The following FARP1 variants were observed in gnomAD, a reference collection of about 807,000 sequenced individuals.
FARP1 encodes the protein FERM, ARH/RhoGEF and pleckstrin domain protein 1, also known as FERM, ARHGEF and pleckstrin domain-containing protein 1.
In FARP1, 52 loss-of-function variants were observed where a neutral mutation model predicts 128.8. The observed-to-expected ratio is 0.40, with a 90% CI of 0.32 to 0.51. The LOEUF (loss-of-function observed/expected upper bound fraction) is 0.51, where lower values mean the gene tolerates loss of function less well. Among genes scored for constraint, FARP1 ranks in the 20% least tolerant of loss-of-function variants. FARP1 has a pLI of 0.45. For missense variants in FARP1, 1,333 were observed against 1,367.9 expected (o/e 0.97, Z 0.40); for synonymous variants, 580 against 551.8 (o/e 1.05, Z -0.72).
intron 2 of FARP1, among the ~76,000 whole-genome samples, chr13:98,334,593 A>G (rs550339476): frequency 1.3e-5 from 2 of 152,210 alleles, no homozygotes; most frequent in South Asian, 4.1e-4. Flanking sequence ...TAGCCCTTTC[A>G]TGACTCATGT....
chr13:98,425,213 A>AG (rs1261409118), intron 17 of FARP1, among the ~76,000 whole-genome samples: 1 of 152,182 alleles, frequency 6.6e-6, no homozygotes, highest in Non-Finnish European at 1.5e-5. Context: ...TCAAAAAAAA[A>AG]AAAGATGTGG....
intron 2 of FARP1, among the ~76,000 whole-genome samples, chr13:98,256,851 C>T (rs2139515578): frequency 7.2e-6 from 1 of 139,282 alleles, no homozygotes; most frequent in South Asian, 2.4e-4. Context: ...TGAGCCACCA[C>T]ACTTGGCCTT....
intron 1 of FARP1, among the ~76,000 whole-genome samples, chr13:98,162,206 C>T (rs1390091139): frequency 1.3e-5 from 2 of 152,036 alleles, no homozygotes; most frequent in African/African-American, 4.8e-5. Context: ...GGAATGTTTC[C>T]AGAAAAGTCT....
At chr13:98,327,982 G>A (rs1566883195) in intron 2 of FARP1, among the ~76,000 whole-genome samples, 1 of 152,146 alleles carries the variant, frequency 6.6e-6, no homozygotes, top group Non-Finnish European at 1.5e-5. Flanking sequence ...ATGCGCACGC[G>A]ATTGAGATTC....
chr13:98,408,835 G>T (rs1891077513), intron 13 of FARP1, among the ~76,000 whole-genome samples: 1 of 152,210 alleles, frequency 6.6e-6, no homozygotes, highest in African/African-American at 2.4e-5. Flanking sequence ...GCTTGCTTCT[G>T]TTCTTTGTAG....
chr13:98,282,931 T>C (rs1435047639), intron 2 of FARP1, among the ~76,000 whole-genome samples: 1 of 152,188 alleles, frequency 6.6e-6, no homozygotes, highest in Non-Finnish European at 1.5e-5. Context: ...AAAAATTTTC[T>C]GGAAAATTCT....
chr13:98,176,096 C>T lies in FARP1; in HGVS notation c.-24+32604C>T. The T allele has an allele frequency of 7.4e-7, 1 of 1,358,476 alleles. No homozygotes were observed. Among genetic ancestry groups the T allele is most frequent in the Non-Finnish European group, 1.0e-6 (1 of 958,280 alleles). The allele number at this position is 1,358,476 out of a possible 1,614,324, so 84.2% of individuals were successfully genotyped here. On this transcript the variant is annotated intron_variant, in intron 1 of 26. Transcript: ENST00000319562. This position sits in a 1 kb window ranked among gnomAD's most constrained non-coding sequence, Gnocchi z 6.2. Reference sequence around the variant, plus strand: ...ACTCAGGCATGGGATTGCAGGAAGACTGTCATCTCTCTCATCTTACTCAAC... The same window carrying T: ...ACTCAGGCATGGGATTGCAGGAAGATTGTCATCTCTCTCATCTTACTCAAC...
chr13:98,201,067 G>C (rs1879911317), intron 1 of FARP1, among the ~76,000 whole-genome samples: 1 of 152,146 alleles, frequency 6.6e-6, no homozygotes, highest in South Asian at 2.1e-4. Context: ...TTTTGAAATA[G>C]ATAACACATT....
chr13:98,254,020 C>G (rs1054686614), intron 2 of FARP1, among the ~76,000 whole-genome samples: 1 of 152,202 alleles, frequency 6.6e-6, no homozygotes, highest in Non-Finnish European at 1.5e-5. Context: ...AAATACCACT[C>G]TGTACTTCTG....
At chr13:98,364,642 G>A (rs747811750) in intron 3 of FARP1, among the ~76,000 whole-genome samples, 4 of 152,156 alleles carry the variant, frequency 2.6e-5, no homozygotes, top group Non-Finnish European at 4.4e-5. Flanking sequence ...AGAAATTCAA[G>A]GGGGAGTTTA....
chr13:98,247,730 G>A (rs4771298), intron 2 of FARP1, among the ~76,000 whole-genome samples: 60,074 of 151,920 alleles, frequency 0.4, 12,464 homozygotes, highest in South Asian at 0.54. Context: ...TTCACGAGGA[G>A]CCAGAGTGTA....
At chr13:98,438,936 G>A in intron 20 of FARP1, 64 bp downstream of exon 20, 6 of 1,573,778 alleles carry the variant, frequency 3.8e-6, no homozygotes, top group Non-Finnish European at 4.4e-6. Context: ...AGGCTCCCAA[G>A]GCCGGACCTC....
rs187866817 is a variant in FARP1 at position 98,250,086 on chromosome 13, C to T, written c.171+36673C>T. Among the ~76,000 whole-genome samples, 13 of 152,304 alleles carry T rather than the reference C, an allele frequency of 8.5e-5. No homozygotes were observed. In the East Asian group the frequency reaches 1.5e-3, roughly 18 times the overall value. On this transcript the variant is annotated intron_variant, in intron 2 of 26. Transcript: ENST00000319562. Reference sequence around the variant, plus strand: ...GAAAATACATCGCTTTAAATTTACTCGTGAGATTCACCAATGATTTCTGAA... The same window carrying T: ...GAAAATACATCGCTTTAAATTTACTTGTGAGATTCACCAATGATTTCTGAA...
intron 3 of FARP1, among the ~76,000 whole-genome samples, chr13:98,352,453 A>T (rs1297051930): frequency 6.6e-6 from 1 of 152,156 alleles, no homozygotes; most frequent in Admixed American, 6.5e-5. Flanking sequence ...TATGGAACTG[A>T]GTTGGGACAA....
intron 2 of FARP1, chr13:98,333,085 C>T (rs549782866): frequency 5.9e-5 from 9 of 152,314 alleles, no homozygotes; most frequent in Non-Finnish European, 1.2e-4. Context: ...GCCAATCTTA[C>T]TAGACATGAG....
intron 2 of FARP1, among the ~76,000 whole-genome samples, chr13:98,297,362 C>T (rs2094618599): frequency 1.3e-5 from 2 of 152,192 alleles, no homozygotes; most frequent in Admixed American, 1.3e-4. Flanking sequence ...TTTTGTGAAG[C>T]AATTAAGCTC....
At chr13:98,349,493 G>A (rs1459307625) in intron 3 of FARP1, among the ~76,000 whole-genome samples, 1 of 151,916 alleles carries the variant, frequency 6.6e-6, no homozygotes, top group African/African-American at 2.4e-5. Flanking sequence ...CCAACATGGT[G>A]AAACCCCATC....
intron 2 of FARP1, among the ~76,000 whole-genome samples, chr13:98,227,499 A>G (rs1278308579): frequency 6.6e-6 from 1 of 151,932 alleles, no homozygotes; most frequent in African/African-American, 2.4e-5. Context: ...GGATATGGAG[A>G]AATTGGTACT....
intron 1 of FARP1, among the ~76,000 whole-genome samples, chr13:98,163,725 T>TC: frequency 6.6e-6 from 1 of 151,772 alleles, no homozygotes; most frequent in Admixed American, 6.6e-5. Flanking sequence ...TTTTTTTTTT[T>TC]GAGACGGAGT....
Sources: allele counts gnomAD v4.1 joint callset (sites outside exome capture counted in the v4.1 genomes callset), GRCh38; gene constraint gnomAD v4.1.1; non-coding constraint Gnocchi (gnomAD v3.1); transcripts MANE v1.5; gene names NCBI Gene and HGNC (gene_info 2026-07-23, HGNC 2026-07-21).